LRRC4C: variants seen among roughly 807,000 people sequenced by gnomAD.
The protein encoded by LRRC4C is leucine rich repeat containing 4C, also known as leucine-rich repeat-containing protein 4C.
A neutral mutation model predicts 33.6 loss-of-function variants in LRRC4C; 5 were observed. That is an observed-to-expected ratio of 0.15 (90% CI 0.08 to 0.31). The LOEUF (loss-of-function observed/expected upper bound fraction) is 0.31, where lower values mean the gene tolerates loss of function less well. Ranked by LOEUF, LRRC4C falls within the 10% of genes least tolerant of loss-of-function variation. The probability of loss-of-function intolerance (pLI) is 1.00; values close to 1 mark genes in which losing one functional copy is unlikely to be tolerated. For synonymous variants in LRRC4C, 329 were observed against 302.0 expected, an observed-to-expected ratio of 1.09 and a Z score of -0.93; for missense variants, 560 against 796.7, an observed-to-expected ratio of 0.70 and a Z score of 3.58.
intron 1 of LRRC4C, among the ~76,000 whole-genome samples, chr11:41,070,310 A>C (rs1938583135): frequency 6.6e-6 from 1 of 152,170 alleles, no homozygotes; most frequent in African/African-American, 2.4e-5. Flanking sequence ...AAATCATAAA[A>C]ACCCTAGAAG....
At chr11:41,285,810 TG>T (rs1949807966) in intron 1 of LRRC4C, among the ~76,000 whole-genome samples, 1 of 152,092 alleles carries the variant, frequency 6.6e-6, no homozygotes, top group Admixed American at 6.5e-5. Flanking sequence ...TTTATTTTAT[TG>T]TATTTTATTT....
At chr11:40,143,361 T>C (rs1295377791) in intron 5 of LRRC4C, among the ~76,000 whole-genome samples, 1 of 152,184 alleles carries the variant, frequency 6.6e-6, no homozygotes, top group Non-Finnish European at 1.5e-5. Context: ...AATATTAAAG[T>C]CCTAATGGCC....
chr11:40,974,203 A>C (rs1295177541), intron 1 of LRRC4C, among the ~76,000 whole-genome samples: 1 of 152,154 alleles, frequency 6.6e-6, no homozygotes, highest in Non-Finnish European at 1.5e-5. Context: ...TCATCCACTT[A>C]ATTATTAACA....
At chr11:40,777,939 C>T (rs1035491650) in intron 2 of LRRC4C, among the ~76,000 whole-genome samples, 1 of 152,104 alleles carries the variant, frequency 6.6e-6, no homozygotes, top group Non-Finnish European at 1.5e-5. Flanking sequence ...CCACCCGCCT[C>T]GGCCTCCCAA....
intron 3 of LRRC4C, among the ~76,000 whole-genome samples, chr11:40,627,721 A>C (rs1051765665): frequency 2.0e-5 from 3 of 152,172 alleles, no homozygotes; most frequent in Admixed American, 6.5e-5. Context: ...ACAATTTCTT[A>C]TCTTCTTCTA....
chr11:41,240,173 CTT>C (rs1274334622), intron 1 of LRRC4C, among the ~76,000 whole-genome samples: 2 of 152,144 alleles, frequency 1.3e-5, no homozygotes, highest in African/African-American at 4.8e-5. Flanking sequence ...AAATGGAAAA[CTT>C]TAGATTTTTT....
At chr11:40,151,166 G>T (rs561617380) in intron 5 of LRRC4C, among the ~76,000 whole-genome samples, 3 of 152,260 alleles carry the variant, frequency 2.0e-5, no homozygotes, top group Non-Finnish European at 4.4e-5. Flanking sequence ...TTCCCCAAGA[G>T]TTTGCCCTGT....
intron 1 of LRRC4C, among the ~76,000 whole-genome samples, chr11:41,365,680 G>A (rs76142107): frequency 0.012 from 1,754 of 151,858 alleles, 39 homozygotes; most frequent in African/African-American, 0.04. Flanking sequence ...TCTGGAGTTG[G>A]AAAAAAAATT....
intron 1 of LRRC4C, among the ~76,000 whole-genome samples, chr11:41,328,569 C>T (rs1591279241): frequency 6.6e-6 from 1 of 152,228 alleles, no homozygotes; most frequent in Non-Finnish European, 1.5e-5. Context: ...CTTCCCTTTT[C>T]TCAGGTAGCT....
At chr11:41,129,596 C>G (rs934333997) in intron 1 of LRRC4C, among the ~76,000 whole-genome samples, 3 of 151,676 alleles carry the variant, frequency 2.0e-5, no homozygotes, top group African/African-American at 7.3e-5. Flanking sequence ...TTTTATCTGC[C>G]TCAATGGATT....
chr11:40,329,196 T>C (rs1392044345), intron 3 of LRRC4C, among the ~76,000 whole-genome samples: 3 of 152,216 alleles, frequency 2.0e-5, no homozygotes, highest in Non-Finnish European at 4.4e-5. Context: ...TAACAGTTAG[T>C]TCTGTAAAGA....
chr11:40,245,972 CTTTTTT>C (rs556019520), intron 4 of LRRC4C, among the ~76,000 whole-genome samples: 1 of 132,116 alleles, frequency 7.6e-6, no homozygotes, highest in Admixed American at 7.9e-5. Flanking sequence ...AAAGTCCTAA[CTTTTTT>C]TTTTTTTTTT....
chr11:40,754,936 CGAT>C (rs1948873109), intron 2 of LRRC4C, among the ~76,000 whole-genome samples: 1 of 152,128 alleles, frequency 6.6e-6, no homozygotes, highest in Admixed American at 6.6e-5. Context: ...TAATTAAAAA[CGAT>C]GGTCCTTTCT....
chr11:41,044,334 C>T (rs1021660693), intron 1 of LRRC4C, among the ~76,000 whole-genome samples: 21 of 152,094 alleles, frequency 1.4e-4, no homozygotes, highest in South Asian at 2.1e-4. Context: ...TTTCCAAAGA[C>T]TCTGTCAACT....
At chr11:40,263,430 A>T (rs1414991467) in intron 4 of LRRC4C, among the ~76,000 whole-genome samples, 1 of 152,150 alleles carries the variant, frequency 6.6e-6, no homozygotes, top group African/African-American at 2.4e-5. Flanking sequence ...AAGCAAGACC[A>T]TTCTGTGGCT....
At chr11:40,375,519 C>T (rs574723374) in intron 3 of LRRC4C, among the ~76,000 whole-genome samples, 3 of 152,218 alleles carry the variant, frequency 2.0e-5, no homozygotes, top group East Asian at 3.9e-4. Flanking sequence ...TAAAATGCAA[C>T]CGCTTTTGCC....
At chr11:40,757,075 T>C (rs1159325041) in intron 2 of LRRC4C, among the ~76,000 whole-genome samples, 1 of 152,028 alleles carries the variant, frequency 6.6e-6, no homozygotes, top group Non-Finnish European at 1.5e-5. Context: ...CAAGGACTGT[T>C]CTTGAAACCT....
intron 2 of LRRC4C, among the ~76,000 whole-genome samples, chr11:40,700,176 G>A (rs1440046530): frequency 6.6e-6 from 1 of 152,076 alleles, no homozygotes; most frequent in Non-Finnish European, 1.5e-5. Context: ...ACGCCAAACA[G>A]ATTAATCCTC....
At chr11:40,325,775 A>G (rs971055010) in intron 3 of LRRC4C, among the ~76,000 whole-genome samples, 1 of 152,206 alleles carries the variant, frequency 6.6e-6, no homozygotes, top group African/African-American at 2.4e-5. Flanking sequence ...GTCATTTTCC[A>G]GCAAATAAAT....
Sources: allele counts gnomAD v4.1 joint callset (sites outside exome capture counted in the v4.1 genomes callset), GRCh38; gene constraint gnomAD v4.1.1; transcripts MANE v1.5; gene names NCBI Gene and HGNC (gene_info 2026-07-23, HGNC 2026-07-21).